Variants in GUCY1A2 observed in about 807,000 individuals in gnomAD.
GUCY1A2 encodes guanylate cyclase soluble subunit alpha-2.
In GUCY1A2, 27 loss-of-function variants were observed where a neutral mutation model predicts 63.5. The observed-to-expected ratio is 0.43, with a 90% confidence interval of 0.31 to 0.59. GUCY1A2 has a LOEUF of 0.59. Ranked by LOEUF, GUCY1A2 falls within the 20% of genes least tolerant of loss-of-function variation. The probability of loss-of-function intolerance (pLI) is 0.11; values close to 1 mark genes in which losing one functional copy is unlikely to be tolerated. For synonymous variants in GUCY1A2, 364 were observed against 343.5 expected (o/e 1.06, Z -0.66); for missense variants, 768 against 913.3 (o/e 0.84, Z 2.05).
chr11:106,790,929 T>TAAC (rs1399397620), intron 5 of GUCY1A2, among the ~76,000 whole-genome samples: 5 of 152,200 alleles, frequency 3.3e-5, no homozygotes, highest in African/African-American at 1.2e-4. Context: ...TTTGGAGATG[T>TAAC]AAGTTGCACT....
intron 4 of GUCY1A2, chr11:106,827,558 A>T: frequency 6.9e-7 from 1 of 1,454,596 alleles, no homozygotes; most frequent in Non-Finnish European, 9.7e-7. Flanking sequence ...GCTCCAGCAC[A>T]CAGAGTTTCT....
intron 6 of GUCY1A2, among the ~76,000 whole-genome samples, chr11:106,717,229 T>G (rs1423624252): frequency 2.0e-5 from 3 of 152,218 alleles, no homozygotes; most frequent in Non-Finnish European, 4.4e-5. Context: ...CTGTGAAGTT[T>G]TCATTCATAA....
At chr11:106,732,587 G>A (rs1863523975) in intron 6 of GUCY1A2, among the ~76,000 whole-genome samples, 1 of 152,090 alleles carries the variant, frequency 6.6e-6, no homozygotes, top group African/African-American at 2.4e-5. Flanking sequence ...TGGTAATGAT[G>A]ATGATGAAGC....
At chr11:106,948,812 T>G (rs976375639) in intron 3 of GUCY1A2, among the ~76,000 whole-genome samples, 9 of 152,190 alleles carry the variant, frequency 5.9e-5, no homozygotes, top group African/African-American at 2.2e-4. Context: ...AATGGTTTAC[T>G]TAATAAATGG....
At chr11:106,771,821 T>C (rs1432704064) in intron 6 of GUCY1A2, among the ~76,000 whole-genome samples, 1 of 152,108 alleles carries the variant, frequency 6.6e-6, no homozygotes, top group Non-Finnish European at 1.5e-5. Flanking sequence ...CATAATGCTG[T>C]TCTTCCATAT....
intron 4 of GUCY1A2, among the ~76,000 whole-genome samples, chr11:106,888,142 A>G (rs1026011321): frequency 3.5e-4 from 53 of 152,180 alleles, no homozygotes; most frequent in African/African-American, 1.2e-3. Context: ...CTAAAAAAGT[A>G]TTTTAAGGAT....
chr11:107,001,065 A>G (rs546456845), intron 1 of GUCY1A2, among the ~76,000 whole-genome samples: 1 of 152,332 alleles, frequency 6.6e-6, no homozygotes, highest in African/African-American at 2.4e-5. Flanking sequence ...CTGAAGGGGT[A>G]ATATGAATTT....
chr11:107,006,003 T>G (rs942510903), intron 1 of GUCY1A2, among the ~76,000 whole-genome samples: 20 of 152,242 alleles, frequency 1.3e-4, no homozygotes, highest in Non-Finnish European at 2.9e-5. Context: ...AATCTATTGA[T>G]CGTATGCTAT....
intron 4 of GUCY1A2, among the ~76,000 whole-genome samples, chr11:106,875,802 T>C (rs909195105): frequency 3.3e-5 from 5 of 151,998 alleles, no homozygotes; most frequent in Admixed American, 6.6e-5. Flanking sequence ...AGCAGAAAAA[T>C]AGTATATTTT....
At chr11:106,832,174 A>G (rs1322092037) in intron 4 of GUCY1A2, among the ~76,000 whole-genome samples, 1 of 152,140 alleles carries the variant, frequency 6.6e-6, no homozygotes. Context: ...ATCAATTTTT[A>G]TCTCTTTGAA....
At chr11:106,846,671 C>T (rs908275003) in intron 4 of GUCY1A2, among the ~76,000 whole-genome samples, 2 of 151,654 alleles carry the variant, frequency 1.3e-5, no homozygotes, top group Non-Finnish European at 3.0e-5. Context: ...CTGAACTGTA[C>T]ATCTGATACA....
At chr11:106,868,631 T>G (rs564440851) in intron 4 of GUCY1A2, among the ~76,000 whole-genome samples, 6 of 152,210 alleles carry the variant, frequency 3.9e-5, no homozygotes, top group African/African-American at 1.4e-4. Flanking sequence ...GGAAGAACAT[T>G]CCATGCTCAT....
rs1457193670 is a variant in GUCY1A2 at position 106,725,423 on chromosome 11, C to T, written c.1837-16757G>A. 1.3e-4 allele frequency among the ~76,000 whole-genome samples: 6 copies of T among 47,262 alleles called. 2 individuals carry two copies. Among genetic ancestry groups the T allele is most frequent in the South Asian group, 1.5e-3 (2 of 1,334 alleles). The allele number at this position is 47,262 out of a possible 152,430, so 31.0% of individuals were successfully genotyped here. A position where few individuals can be genotyped will look rare whatever the true frequency, so the allele number is the denominator to read the frequency against. On this transcript the variant is annotated intron_variant, in intron 6 of 7. Coordinates refer to ENST00000526355, the MANE Select transcript of GUCY1A2 (RefSeq NM_000855.3). Reference sequence around the variant, plus strand: ...TCCTGACCTCGTGATCCGCCCGCCTCGGCCTCCCAAAGTGCGACATAAATT... The same window carrying T: ...TCCTGACCTCGTGATCCGCCCGCCTTGGCCTCCCAAAGTGCGACATAAATT...
intron 4 of GUCY1A2, among the ~76,000 whole-genome samples, chr11:106,919,657 T>G (rs768411295): frequency 1.3e-5 from 2 of 151,986 alleles, no homozygotes; most frequent in Admixed American, 6.6e-5. Context: ...GGACAAAAAT[T>G]AAGTTAGTGA....
At chr11:106,943,267 C>A (rs1244437312) in intron 3 of GUCY1A2, among the ~76,000 whole-genome samples, 1 of 152,188 alleles carries the variant, frequency 6.6e-6, no homozygotes, top group Non-Finnish European at 1.5e-5. Flanking sequence ...TTGACGCAAA[C>A]CCCCTACTTA....
chr11:106,945,039 CT>C (rs1279739367), intron 3 of GUCY1A2, among the ~76,000 whole-genome samples: 1 of 151,596 alleles, frequency 6.6e-6, no homozygotes, highest in Non-Finnish European at 1.5e-5. Context: ...AGAATTTCCC[CT>C]GAACCATGGA....
chr11:106,786,914 A>C (rs893467211), intron 5 of GUCY1A2, among the ~76,000 whole-genome samples: 1 of 152,200 alleles, frequency 6.6e-6, no homozygotes, highest in African/African-American at 2.4e-5. Flanking sequence ...ATTATTTTTC[A>C]AGGATTTCTG....
At chr11:106,971,244 T>TG (rs1555055994) in intron 3 of GUCY1A2, among the ~76,000 whole-genome samples, 7 of 151,426 alleles carry the variant, frequency 4.6e-5, no homozygotes, top group East Asian at 1.9e-4. Flanking sequence ...TGTGTGTGTG[T>TG]TTAGGAGGTC....
At chr11:106,930,928 A>G in intron 4 of GUCY1A2, among the ~76,000 whole-genome samples, 1 of 152,208 alleles carries the variant, frequency 6.6e-6, no homozygotes, top group Non-Finnish European at 1.5e-5. Context: ...ATTTCAACCT[A>G]AGATATCAAT....
Sources: allele counts gnomAD v4.1 joint callset (sites outside exome capture counted in the v4.1 genomes callset), GRCh38; gene constraint gnomAD v4.1.1; transcripts MANE v1.5; gene names NCBI Gene and HGNC (gene_info 2026-07-23, HGNC 2026-07-21).